Variants in PYGM observed in about 807,000 individuals in gnomAD.
The protein encoded by PYGM is glycogen phosphorylase, muscle associated, also known as glycogen phosphorylase, muscle form.
In PYGM, 81 loss-of-function variants were observed where a neutral mutation model predicts 99.3. The observed-to-expected ratio is 0.82, with a 90% CI of 0.68 to 0.98. PYGM has a LOEUF of 0.98. Ranked by LOEUF, PYGM falls within the 50% of genes least tolerant of loss-of-function variation. The pLI is 0.00. For synonymous variants in PYGM, 436 were observed against 451.5 expected (o/e 0.97, Z 0.44); for missense variants, 1,030 against 1,158.1 (o/e 0.89, Z 1.61).
At chr11:64,747,705 C>T in intron 17 of PYGM, 2 of 359,644 alleles carry the variant, frequency 5.6e-6, no homozygotes, top group South Asian at 4.4e-5. Flanking sequence ...AGTCCATATC[C>T]GGCCTTGCCC....
Position 64,753,890 on chromosome 11 carries a change from G to A in PYGM, c.1228C>T (p.Arg410Cys), listed in dbSNP as rs764712114. The change falls in exon 10 of 20, where the codon CGC becomes TGC. Residue 410 changes from arginine (R) to cysteine (C), a missense_variant. Physicochemically the swap from Arg to Cys is radical, Grantham distance 180 (BLOSUM62 -3). Transcript: ENST00000164139. ...GCCTCCGGACTCACGTTGAGGAAGC[G>A]CTGGTTGATCTCGTAGATGATCTGG... ...HLQIIYEINQ[R>C]FLNRVAAAFP... The A allele has an allele frequency of 4.4e-6, 7 of 1,578,888 alleles. No homozygotes were observed. The highest frequency in any genetic ancestry group is 3.5e-5 in the South Asian group (3 of 86,342).
chr11:64,758,828 A>G (rs917970546), intron 1 of PYGM, 124 bp from the exon 2 acceptor site: 49 of 857,886 alleles, frequency 5.7e-5, no homozygotes, highest in East Asian at 1.0e-4. Flanking sequence ...CCTGTCCCCA[A>G]TTTGTTTCTC....
chr11:64,751,413 G>C lies in PYGM; in HGVS notation c.1881C>G (p.Ile627Met), dbSNP rs369361532. The C allele has an allele frequency of 1.9e-6, 3 of 1,614,006 alleles. No homozygotes were observed. The highest frequency in any genetic ancestry group is 1.3e-5 in the African/African-American group (1 of 74,898). ...CCGGGTCATGGTTGACCACATCCCC[G>C]ATGGCTGTGACGAGTCTGATGATCA... ...AKMIIRLVTA[I>M]GDVVNHDPAV... The change falls in exon 16 of 20, where the codon ATC (isoleucine) becomes ATG (methionine). Residue 627 changes from isoleucine (I) to methionine (M), a missense_variant. Coordinates refer to ENST00000164139, the MANE Select transcript of PYGM (RefSeq NM_005609.4).
Position 64,754,781 on chromosome 11 carries a change from G to A in PYGM, c.911C>T (p.Thr304Ile), listed in dbSNP as rs2135835488. 7 of 1,613,942 alleles carry A rather than the reference G, an allele frequency of 4.3e-6. No individual in the cohort carries two copies. The highest frequency in any genetic ancestry group is 5.9e-6 in the Non-Finnish European group (7 of 1,180,008). Reference protein sequence around the residue: ...LKQEYFVVAATLQDIIRRFKS... With the variant: ...LKQEYFVVAAILQDIIRRFKS... ...GAAGCGACGGATGATGTCCTGGAGGGTGGCAGCCACCACGAAATACTCCTG... is the reference window on the plus strand; with the variant it reads ...GAAGCGACGGATGATGTCCTGGAGGATGGCAGCCACCACGAAATACTCCTG... The change falls in exon 8 of 20, where the codon ACC (threonine) becomes ATC (isoleucine). Residue 304 changes from threonine to isoleucine, a missense_variant. Physicochemically the swap from Thr to Ile is moderately conservative, Grantham distance 89. Transcript: ENST00000164139. The surrounding 1 kb of genome is among the most constrained non-coding windows in gnomAD (Gnocchi z 5.5).
In PYGM at chr11:64,754,244, G is replaced by A; in HGVS notation, c.1092+9C>T. On this transcript the variant is annotated intron_variant, in intron 9 of 19. Coordinates refer to ENST00000164139, the MANE Select transcript of PYGM (RefSeq NM_005609.4). The surrounding 1 kb of genome is among the most constrained non-coding windows in gnomAD (Gnocchi z 5.5). ...GCATCAGATGGGGCAGAGGGGCCCTGAAGCCCACCTTGTCCCAGTCCATCC... is the reference window on the plus strand; with the variant it reads ...GCATCAGATGGGGCAGAGGGGCCCTAAAGCCCACCTTGTCCCAGTCCATCC... 1 of 1,610,080 alleles carries A rather than the reference G, an allele frequency of 6.2e-7. No individual in the cohort carries two copies. Among genetic ancestry groups the A allele is most frequent in the Non-Finnish European group, 8.5e-7 (1 of 1,176,704 alleles).
upstream of PYGM, chr11:64,760,435 C>A: frequency 5.8e-6 from 1 of 173,258 alleles, no homozygotes. Flanking sequence ...CACGACCCTG[C>A]ATTGCAGGGG....
At chr11:64,759,482 A>C (rs2058418530) in intron 1 of PYGM, among the ~76,000 whole-genome samples, 174 bp downstream of exon 1, 1 of 149,982 alleles carries the variant, frequency 6.7e-6, no homozygotes, top group Non-Finnish European at 1.5e-5. Context: ...CCTGACCCCC[A>C]CTCCTGCCCC....
At chr11:64,760,623 G>A (rs982147705), upstream of PYGM, among the ~76,000 whole-genome samples, 1 of 152,272 alleles carries the variant, frequency 6.6e-6, no homozygotes, top group African/African-American at 2.4e-5. Flanking sequence ...TGCAGCACGG[G>A]GCCCTGGGAA....
rs930611238 is a variant in PYGM, at chr11:64,754,499, T to C, written c.1000-154A>G. 5.8e-5 allele frequency: 12 copies of C among 207,104 alleles called. No homozygotes were observed. The African/African-American group carries it at 1.3e-3, about 22-fold the overall frequency. 12.8% of individuals were successfully genotyped at this position (207,104 alleles called of 1,614,324 possible). On this transcript the variant is annotated intron_variant, in intron 8 of 19. Transcript: ENST00000164139. The surrounding 1 kb of genome is among the most constrained non-coding windows in gnomAD (Gnocchi z 5.5). ...CCGGTGCTCATGGGGGTGGGAGGAATGGGGGGAGTGGGGCGGGAGGAGGAG... is the reference window on the plus strand; with the variant it reads ...CCGGTGCTCATGGGGGTGGGAGGAACGGGGGGAGTGGGGCGGGAGGAGGAG...
At position 64,754,927 on chromosome 11, in the gene PYGM, C is replaced by G. The variant is rs2058384556; in HGVS notation, c.856-91G>C. The G allele has an allele frequency of 6.4e-7, 1 of 1,550,762 alleles. No individual in the cohort carries two copies. Among genetic ancestry groups the G allele is most frequent in the Non-Finnish European group, 8.7e-7 (1 of 1,146,274 alleles). ...TGGCCAGGAGGGACTCCCACCCATA[C>G]CGGGACCCCTGAGCCCTGAGCCGGC... On this transcript the variant is annotated intron_variant, in intron 7 of 19. Transcript: ENST00000164139. The surrounding 1 kb of genome is among the most constrained non-coding windows in gnomAD (Gnocchi z 5.5).
Position 64,754,820 on chromosome 11 carries a change from T to TCCTTC in PYGM, c.867_871dup (p.Glu291GlyfsTer6). ...GAAATACTCCTGCTTCAGCCGCAGC[T>TCCTTC]CCTTCCCTTCGAAGAACTGGGGACA... is the stretch of plus-strand genomic sequence containing the variant. On this transcript the variant is annotated frameshift_variant, in exon 8 of 20. Coordinates refer to ENST00000164139, the MANE Select transcript of PYGM (RefSeq NM_005609.4). LOFTEE classifies it high-confidence loss of function. This position sits in a 1 kb window ranked among gnomAD's most constrained non-coding sequence, Gnocchi z 5.5. 6.2e-7 allele frequency: 1 copy of TCCTTC among 1,613,822 alleles called. No homozygotes were observed. Among genetic ancestry groups the TCCTTC allele is most frequent in the Non-Finnish European group, 8.5e-7 (1 of 1,179,980 alleles).
chr11:64,759,984 C>T, upstream of PYGM: 1 of 1,572,730 alleles, frequency 6.4e-7, no homozygotes, highest in Non-Finnish European at 8.6e-7. Context: ...TGGAGCTCCC[C>T]AGCCTCAAGG....
rs1300682351 is a variant in PYGM, at chr11:64,755,365, A to G, written c.773-10T>C. ...TAGCCACCGACATTGACTGAGGGAC[A>G]AAAGTGGGGACAGGGTAAGGCCTGC... On this transcript the variant is annotated splice_polypyrimidine_tract_variant and intron_variant, in intron 6 of 19. Transcript: ENST00000164139. The surrounding 1 kb of genome is among the most constrained non-coding windows in gnomAD (Gnocchi z 4.1). The G allele has an allele frequency of 6.2e-7, 1 of 1,614,076 alleles. No individual in the cohort carries two copies. Among genetic ancestry groups the G allele is most frequent in the East Asian group, 2.2e-5 (1 of 44,874 alleles).
chr11:64,746,718 C>T lies in PYGM; in HGVS notation c.2470G>A (p.Glu824Lys). The T allele has an allele frequency of 6.2e-7, 1 of 1,614,192 alleles. No homozygotes were observed. The highest frequency in any genetic ancestry group is 2.2e-5 in the East Asian group (1 of 44,876). The part of the protein sequence containing the change: ...SDRTIAQYAR[E>K]IWGVEPSRQR... ...CGGGAAGGCTCCACACCCCAGATCT[C>T]CCGGGCATACTGGGCAATGGTGCGG... Residue 824 changes from glutamate to lysine, a missense_variant, in exon 20 of 20, where the codon GAG becomes AAG. Glu to Lys is a moderately conservative substitution (Grantham distance 56, BLOSUM62 1). Coordinates refer to ENST00000164139, the MANE Select transcript of PYGM (RefSeq NM_005609.4).
chr11:64,751,652 A>T lies in PYGM; in HGVS notation c.1772T>A (p.Ile591Asn), dbSNP rs1317576278. The T allele has an allele frequency of 6.2e-7, 1 of 1,613,968 alleles. No homozygotes were observed. The highest frequency in any genetic ancestry group is 1.1e-5 in the South Asian group (1 of 91,092). ...AAAAAACTTATTGGGCTCCCTCTTG[A>T]TGCCTGTGGAGAAACGAGAGGGATC... ...CLHVITLYNR[I>N]KREPNKFFVP... The change falls in exon 15 of 20, where the codon ATC becomes AAC. Residue 591 changes from isoleucine (I) to asparagine (N), a missense_variant. Coordinates refer to ENST00000164139, the MANE Select transcript of PYGM (RefSeq NM_005609.4).
At chr11:64,760,045 A>AGGCG, upstream of PYGM, 1 of 1,297,030 alleles carries the variant, frequency 7.7e-7, no homozygotes, top group Non-Finnish European at 1.0e-6. Flanking sequence ...CTGCAATGGG[A>AGGCG]GGGTCTTGGC....
intron 17 of PYGM, 22 bp from the exon 18 acceptor site, chr11:64,747,380 C>A: frequency 6.2e-7 from 1 of 1,614,022 alleles, no homozygotes; most frequent in South Asian, 1.1e-5. Context: ...GAGCTGTGGT[C>A]AGCTCCCCGG....
Position 64,755,122 on chromosome 11 carries a change from C to A in PYGM, c.855+151G>T, listed in dbSNP as rs2058385560. The stretch of plus-strand genomic sequence containing the variant: ...CTCAGGACTCAGGTGTCCTTGCACT[C>A]AAAAGACTTGAGGTGGGGGCACAGG... On this transcript the variant is annotated intron_variant, in intron 7 of 19. Transcript: ENST00000164139. The surrounding 1 kb of genome is among the most constrained non-coding windows in gnomAD (Gnocchi z 4.1). The A allele has an allele frequency of 2.0e-5, 21 of 1,034,108 alleles. 1 individual carries two copies. In the South Asian group the frequency reaches 2.9e-4, roughly 14 times the overall value. The allele number at this position is 1,034,108 out of a possible 1,614,324, so 64.1% of individuals were successfully genotyped here.
At chr11:64,752,633 T>A in intron 12 of PYGM, 129 bp from the exon 13 acceptor site, 1 of 953,666 alleles carries the variant, frequency 1.0e-6, no homozygotes, top group Non-Finnish European at 1.6e-6. Flanking sequence ...TCCCAGCCCC[T>A]CCTCCTCCAG....
Sources: gnomAD v4.1 joint callset for allele counts (sites outside exome capture counted in the v4.1 genomes callset) on GRCh38, gnomAD v4.1.1 for gene constraint, Gnocchi (gnomAD v3.1) non-coding constraint, MANE v1.5 for transcripts, NCBI Gene and HGNC (gene_info 2026-07-23, HGNC 2026-07-21) for gene names.